INPP4B: variants seen among roughly 807,000 people sequenced by gnomAD.
The protein encoded by INPP4B is inositol polyphosphate-4-phosphatase type II B.
INPP4B carries 55 observed loss-of-function variants against 122.5 expected under a neutral mutation model. The ratio of observed to expected loss-of-function variants is 0.45; its 90% CI spans 0.36 to 0.56. INPP4B has a LOEUF of 0.56. Among genes scored for constraint, INPP4B ranks in the 20% least tolerant of loss-of-function variants. INPP4B has a pLI of 0.00. For missense variants in INPP4B, 1,000 were observed against 1,097.7 expected, an observed-to-expected ratio of 0.91 and a Z score of 1.26; for synonymous variants, 403 against 388.7, an observed-to-expected ratio of 1.04 and a Z score of -0.43.
chr4:142,701,921 T>C (rs1333377566), intron 2 of INPP4B, among the ~76,000 whole-genome samples: 6 of 152,334 alleles, frequency 3.9e-5, no homozygotes, highest in African/African-American at 1.4e-4. Context: ...TACTATACTA[T>C]ATATACTAGT....
chr4:142,165,607 T>C (rs1822348219), intron 16 of INPP4B, among the ~76,000 whole-genome samples: 1 of 151,774 alleles, frequency 6.6e-6, no homozygotes, highest in African/African-American at 2.4e-5. Flanking sequence ...TAATGTTCAA[T>C]AATTCAAATC....
intron 7 of INPP4B, among the ~76,000 whole-genome samples, chr4:142,350,115 G>A (rs2151797907): frequency 6.6e-6 from 1 of 152,024 alleles, no homozygotes; most frequent in East Asian, 1.9e-4. Flanking sequence ...TGAGATATGA[G>A]GCTGAAGAAC....
At chr4:142,738,274 C>T (rs1767306618) in intron 1 of INPP4B, among the ~76,000 whole-genome samples, 1 of 152,128 alleles carries the variant, frequency 6.6e-6, no homozygotes, top group Non-Finnish European at 1.5e-5. Flanking sequence ...GAATACTATG[C>T]AGCCATAAAA....
intron 2 of INPP4B, among the ~76,000 whole-genome samples, chr4:142,583,288 C>T (rs1307379326): frequency 1.6e-4 from 25 of 152,114 alleles, no homozygotes; most frequent in Admixed American, 1.6e-3. Context: ...ATGCTGTCAA[C>T]TATGTTTTGA....
At chr4:142,259,319 C>T (rs984652347) in intron 11 of INPP4B, among the ~76,000 whole-genome samples, 2 of 149,954 alleles carry the variant, frequency 1.3e-5, no homozygotes, top group African/African-American at 4.9e-5. Flanking sequence ...CTAACCTGCA[C>T]GTTGTGCACA....
At chr4:142,266,846 G>C (rs1393067601) in intron 10 of INPP4B, among the ~76,000 whole-genome samples, 8 of 151,930 alleles carry the variant, frequency 5.3e-5, no homozygotes, top group African/African-American at 1.9e-4. Flanking sequence ...AAAAAAATCA[G>C]TTAAAACTGA....
intron 2 of INPP4B, among the ~76,000 whole-genome samples, chr4:142,469,683 A>G (rs547948399): frequency 3.9e-5 from 6 of 152,288 alleles, no homozygotes; most frequent in Admixed American, 2.0e-4. Flanking sequence ...GAAACATTCA[A>G]TTTTATGCAT....
chr4:142,782,021 G>A (rs1053597568), intron 1 of INPP4B, among the ~76,000 whole-genome samples: 2 of 151,556 alleles, frequency 1.3e-5, no homozygotes, highest in African/African-American at 2.4e-5. Flanking sequence ...TAGGGTACAT[G>A]TGCACAATGT....
chr4:142,512,181 A>G (rs1824803512), intron 2 of INPP4B, among the ~76,000 whole-genome samples: 1 of 152,172 alleles, frequency 6.6e-6, no homozygotes, highest in South Asian at 2.1e-4. Flanking sequence ...TTCAGTCTTC[A>G]TATCTTGAAA....
At chr4:142,489,646 G>A (rs747415558) in intron 2 of INPP4B, among the ~76,000 whole-genome samples, 6 of 152,020 alleles carry the variant, frequency 3.9e-5, no homozygotes, top group African/African-American at 1.2e-4. Flanking sequence ...TGCCTGCCTC[G>A]GCCTCCCAAA....
chr4:142,125,929 C>A (rs1055251380), intron 18 of INPP4B, among the ~76,000 whole-genome samples: 1 of 152,040 alleles, frequency 6.6e-6, no homozygotes, highest in African/African-American at 2.4e-5. Flanking sequence ...AAGATATAGA[C>A]AAGTTTAAGT....
At chr4:142,618,945 C>T (rs1440986708) in intron 2 of INPP4B, among the ~76,000 whole-genome samples, 1 of 151,890 alleles carries the variant, frequency 6.6e-6, no homozygotes, top group Non-Finnish European at 1.5e-5. Flanking sequence ...ATATACATTT[C>T]TCCAAAGACC....
At chr4:142,553,009 C>T (rs183983249) in intron 2 of INPP4B, among the ~76,000 whole-genome samples, 1 of 152,170 alleles carries the variant, frequency 6.6e-6, no homozygotes, top group African/African-American at 2.4e-5. Context: ...GTCCTCTAAA[C>T]AACACTGTAT....
At position 142,606,159 on chromosome 4, in the gene INPP4B, G is replaced by A. The variant is rs1377655730; in HGVS notation, c.-191+119680C>T. On this transcript the variant is annotated intron_variant, in intron 2 of 25. Transcript: ENST00000262992. The stretch of plus-strand genomic sequence containing the variant: ...TAAGCCAGGCACAGAAAGACAAACA[G>A]TGTGTATTCTCATTCCTTTGTGGGC... Among the ~76,000 whole-genome samples, 3 of 151,904 alleles carry A rather than the reference G, an allele frequency of 2.0e-5. No homozygotes were observed. In the East Asian group the frequency reaches 5.8e-4, roughly 29 times the overall value.
chr4:142,634,473 T>C (rs1385332354), intron 2 of INPP4B, among the ~76,000 whole-genome samples: 6 of 152,084 alleles, frequency 3.9e-5, no homozygotes, highest in East Asian at 1.9e-4. Context: ...CAACAACATA[T>C]AGAAATTATA....
chr4:142,683,055 GCTTGT>G (rs1181628495), intron 2 of INPP4B, among the ~76,000 whole-genome samples: 5 of 151,812 alleles, frequency 3.3e-5, no homozygotes, highest in Non-Finnish European at 5.9e-5. Context: ...CTCAGCTGAA[GCTTGT>G]CTTATTCATT....
At chr4:142,372,791 T>C (rs1790392608) in intron 7 of INPP4B, among the ~76,000 whole-genome samples, 1 of 151,990 alleles carries the variant, frequency 6.6e-6, no homozygotes, top group Non-Finnish European at 1.5e-5. Context: ...GTCTCCTCTC[T>C]AGGAAGGAGT....
At chr4:142,465,596 T>C (rs1817612956) in intron 2 of INPP4B, among the ~76,000 whole-genome samples, 1 of 152,186 alleles carries the variant, frequency 6.6e-6, no homozygotes, top group African/African-American at 2.4e-5. Flanking sequence ...TCTATATAGG[T>C]CAGTGCCTTC....
At chr4:142,700,715 G>A (rs1237825897) in intron 2 of INPP4B, among the ~76,000 whole-genome samples, 1 of 151,808 alleles carries the variant, frequency 6.6e-6, no homozygotes, top group Non-Finnish European at 1.5e-5. Context: ...TCCTATCTCA[G>A]ATTATAATCT....
Sources: gnomAD v4.1 joint callset for allele counts (sites outside exome capture counted in the v4.1 genomes callset) on GRCh38, gnomAD v4.1.1 for gene constraint, MANE v1.5 for transcripts, NCBI Gene and HGNC (gene_info 2026-07-23, HGNC 2026-07-21) for gene names.